COL25A1: variants seen among roughly 807,000 people sequenced by gnomAD.
COL25A1 encodes the protein collagen alpha-1(XXV) chain.
In COL25A1, 103 loss-of-function variants were observed where a neutral mutation model predicts 128.4. That is an observed-to-expected ratio of 0.80 (90% CI 0.68 to 0.94). The LOEUF (loss-of-function observed/expected upper bound fraction) is 0.94. COL25A1 is among the 40% of genes least tolerant of loss of function. COL25A1 has a pLI of 0.00. For missense variants in COL25A1, 745 were observed against 840.0 expected, an observed-to-expected ratio of 0.89 and a Z score of 1.40; for synonymous variants, 279 against 277.2, an observed-to-expected ratio of 1.01 and a Z score of -0.06.
chr4:108,959,588 T>G (rs1336434012), intron 8 of COL25A1, among the ~76,000 whole-genome samples: 1 of 152,208 alleles, frequency 6.6e-6, no homozygotes, highest in African/African-American at 2.4e-5. Context: ...TGTTGGCACA[T>G]GCCATTACAT....
At chr4:109,203,453 AAAG>A (rs967833732) in intron 3 of COL25A1, among the ~76,000 whole-genome samples, 5 of 152,094 alleles carry the variant, frequency 3.3e-5, no homozygotes, top group South Asian at 4.1e-4. Flanking sequence ...AGCCTCCCCC[AAAG>A]AAGAAGAAAT....
intron 23 of COL25A1, 79 bp from the exon 24 acceptor site, chr4:108,859,812 A>G: frequency 1.1e-6 from 1 of 943,918 alleles, no homozygotes; most frequent in Non-Finnish European, 1.7e-6. Context: ...ACAGAAATAC[A>G]ACTCACAGCT....
chr4:109,189,613 T>C (rs1775427097), intron 3 of COL25A1, among the ~76,000 whole-genome samples: 1 of 151,884 alleles, frequency 6.6e-6, no homozygotes, highest in South Asian at 2.1e-4. Context: ...AGAACGTTTG[T>C]TGAAGTTTGT....
intron 5 of COL25A1, among the ~76,000 whole-genome samples, chr4:109,011,391 A>C (rs879841382): frequency 1.3e-5 from 2 of 149,802 alleles, no homozygotes; most frequent in African/African-American, 5.0e-5. Flanking sequence ...GATAGAACAG[A>C]TGATTTCCAA....
chr4:109,245,137 G>A (rs1198429154), intron 3 of COL25A1, among the ~76,000 whole-genome samples: 3 of 152,110 alleles, frequency 2.0e-5, no homozygotes, highest in East Asian at 1.9e-4. Context: ...TAGATACCTT[G>A]AGAGTAAAGG....
chr4:108,877,154 C>T (rs564332375), intron 19 of COL25A1, among the ~76,000 whole-genome samples: 7 of 152,266 alleles, frequency 4.6e-5, no homozygotes, highest in East Asian at 1.9e-4. Flanking sequence ...ACAGCCAGGG[C>T]GCATTCAGAT....
intron 3 of COL25A1, among the ~76,000 whole-genome samples, chr4:109,155,403 G>A (rs551006302): frequency 3.2e-4 from 48 of 152,282 alleles, no homozygotes; most frequent in African/African-American, 1.2e-3. Flanking sequence ...GGTTTTTAAA[G>A]GACACCGTAA....
At chr4:109,156,617 A>T (rs990089554) in intron 3 of COL25A1, among the ~76,000 whole-genome samples, 2 of 152,210 alleles carry the variant, frequency 1.3e-5, no homozygotes, top group Non-Finnish European at 2.9e-5. Flanking sequence ...ATATGTTGAG[A>T]TATAAAAACT....
chr4:108,856,305 G>A (rs1363657903), intron 24 of COL25A1, among the ~76,000 whole-genome samples: 2 of 152,058 alleles, frequency 1.3e-5, no homozygotes, highest in Non-Finnish European at 2.9e-5. Flanking sequence ...AATAGCTTAT[G>A]GCAATGTTTA....
At chr4:108,912,559 A>T (rs189237862) in intron 13 of COL25A1, among the ~76,000 whole-genome samples, 165 of 152,256 alleles carry the variant, frequency 1.1e-3, no homozygotes, top group African/African-American at 3.9e-3. Context: ...TGCTAAAGGA[A>T]AATTTTAAGC....
chr4:108,900,749 TTAG>T lies in COL25A1; in HGVS notation c.834+367_834+369del, dbSNP rs139509414. Among the ~76,000 whole-genome samples, 482 of 152,258 alleles carry T rather than the reference TTAG, an allele frequency of 3.2e-3. 8 individuals carry two copies. The highest frequency in any genetic ancestry group is 0.027 in the East Asian group (142 of 5,184). ...GGAAAAGCCATAGTGAATGTCATCT[TTAG>T]TAAGGCATGTAAATATAAAAATTTT... is the stretch of plus-strand genomic sequence containing the variant. On this transcript the variant is annotated intron_variant, in intron 14 of 37. Coordinates refer to ENST00000399132, the MANE Select transcript of COL25A1 (RefSeq NM_198721.4).
At chr4:108,866,198 C>CTTTTTTT (rs35781275) in intron 20 of COL25A1, among the ~76,000 whole-genome samples, 1 of 128,618 alleles carries the variant, frequency 7.8e-6, no homozygotes, top group Non-Finnish European at 1.6e-5. Context: ...TCTTTTCTTT[C>CTTTTTTT]TTTTTTTTTT....
intron 3 of COL25A1, among the ~76,000 whole-genome samples, chr4:109,065,816 T>C (rs1349080564): frequency 1.3e-5 from 2 of 152,196 alleles, no homozygotes. Context: ...TTCCTTGTGA[T>C]GACAGATTAA....
In COL25A1 at chr4:109,050,150, G is replaced by T. The variant is rs1389114248; in HGVS notation, c.397C>A (p.Arg133=). 1 of 1,608,478 alleles carries T rather than the reference G, an allele frequency of 6.2e-7. No individual in the cohort carries two copies. Among genetic ancestry groups the T allele is most frequent in the Non-Finnish European group, 8.5e-7 (1 of 1,176,472 alleles). The change falls in exon 4 of 38, where the codon CGA becomes AGA. Residue 133 remains arginine, a synonymous_variant. Transcript: ENST00000399132. ...AGAGACTTACCAGATTCTCCTCTTC[G>T]GCCTCTCTTACCTCGTTTCCCTGGA... ...GPPGKRGKRG[R]RGESGPPGQP...
chr4:109,152,619 C>T lies in COL25A1; in HGVS notation c.368-102440G>A, dbSNP rs192286397. On this transcript the variant is annotated intron_variant, in intron 3 of 37. Transcript: ENST00000399132. ...AGCCAAAAGCTGAAAGCAACCTAAA[C>T]ACCCATGGGTGAATCAACAGAAAAA... Among the ~76,000 whole-genome samples, 625 of 152,268 alleles carry T rather than the reference C, an allele frequency of 4.1e-3. 1 individual carries two copies. The highest frequency in any genetic ancestry group is 6.6e-3 in the Non-Finnish European group (447 of 68,014).
intron 30 of COL25A1, among the ~76,000 whole-genome samples, chr4:108,842,633 T>C (rs1259049627): frequency 1.3e-5 from 2 of 152,202 alleles, no homozygotes; most frequent in Non-Finnish European, 2.9e-5. Context: ...TTTCAATAAG[T>C]TTCAGATAAG....
intron 5 of COL25A1, among the ~76,000 whole-genome samples, chr4:109,015,505 G>A (rs1417602418): frequency 6.6e-6 from 1 of 152,132 alleles, no homozygotes; most frequent in Non-Finnish European, 1.5e-5. Context: ...TAAAAGCCAT[G>A]CCAAGTGAAA....
At chr4:108,835,072 C>G (rs969871257) in intron 31 of COL25A1, among the ~76,000 whole-genome samples, 1 of 152,182 alleles carries the variant, frequency 6.6e-6, no homozygotes, top group East Asian at 1.9e-4. Context: ...AATTGTTTCT[C>G]AATTCCTTCA....
chr4:108,818,822 T>C (rs1231182303), intron 36 of COL25A1, among the ~76,000 whole-genome samples: 1 of 151,882 alleles, frequency 6.6e-6, no homozygotes, highest in African/African-American at 2.4e-5. Context: ...GCCTTATTTA[T>C]AGCCTGATTG....
Sources: gnomAD v4.1 joint callset for allele counts (sites outside exome capture counted in the v4.1 genomes callset) on GRCh38, gnomAD v4.1.1 for gene constraint, MANE v1.5 for transcripts, NCBI Gene and HGNC (gene_info 2026-07-23, HGNC 2026-07-21) for gene names.